The following SUCLG1 variants were observed in gnomAD, a reference collection of about 807,000 sequenced individuals.
The protein encoded by SUCLG1 is succinate--CoA ligase [ADP/GDP-forming] subunit alpha, mitochondrial.
SUCLG1 carries 26 observed loss-of-function variants against 37.3 expected under a neutral mutation model. That is an observed-to-expected ratio of 0.70 (90% CI 0.51 to 0.97). The LOEUF is 0.97. Among genes scored for constraint, SUCLG1 ranks in the 50% least tolerant of loss-of-function variants. The pLI is 0.00. For missense variants in SUCLG1, 433 were observed against 432.9 expected (o/e 1.00, Z 0.00); for synonymous variants, 163 against 155.6 (o/e 1.05, Z -0.36).
chr2:84,433,073 G>C (rs1044037135), intron 6 of SUCLG1: 1 of 492,098 alleles, frequency 2.0e-6, no homozygotes, highest in Non-Finnish European at 3.7e-6. Context: ...CATTTCTTCA[G>C]AGCAATCAAA....
At chr2:84,425,040 G>T (rs1050737617) in intron 8 of SUCLG1, among the ~76,000 whole-genome samples, 2 of 152,090 alleles carry the variant, frequency 1.3e-5, no homozygotes, top group African/African-American at 4.8e-5. Context: ...TGGGGTCAGG[G>T]TGGCTATATC....
At chr2:84,458,350 A>G (rs945741632) in intron 1 of SUCLG1, 4 of 152,298 alleles carry the variant, frequency 2.6e-5, no homozygotes, top group Admixed American at 1.3e-4. Flanking sequence ...AACACTGAAA[A>G]ACAGATTAAG....
At chr2:84,435,823 T>C (rs556743745) in intron 5 of SUCLG1, among the ~76,000 whole-genome samples, 2 of 152,314 alleles carry the variant, frequency 1.3e-5, no homozygotes, top group South Asian at 2.1e-4. Flanking sequence ...CATCCTCTCT[T>C]TCCAGCAGCC....
intron 6 of SUCLG1, chr2:84,432,642 T>A (rs1672628962): frequency 6.6e-6 from 1 of 152,228 alleles, no homozygotes; most frequent in Non-Finnish European, 1.5e-5. Flanking sequence ...AATATTTAAT[T>A]TATGAATTTG....
chr2:84,459,194 G>A lies in SUCLG1; in HGVS notation c.76C>T (p.Leu26Phe), dbSNP rs1250212607. Residue 26 changes from leucine (L) to phenylalanine (F), a missense_variant, in exon 1 of 9, where the codon CTC becomes TTC. Transcript: ENST00000393868. ...TCACGGAGGAAGCTGCGCGACAGGAGACGGGCGGCGGCGAGGCCGCTGCTG... is the reference window on the plus strand; with the variant it reads ...TCACGGAGGAAGCTGCGCGACAGGAAACGGGCGGCGGCGAGGCCGCTGCTG... ...SGSSGLAAAR[L>F]LSRSFLLPQN... is the part of the protein sequence containing the mutation. The A allele has an allele frequency of 1.3e-6, 2 of 1,549,904 alleles. No individual in the cohort carries two copies. Among genetic ancestry groups the A allele is most frequent in the African/African-American group, 1.4e-5 (1 of 73,050 alleles).
intron 5 of SUCLG1, among the ~76,000 whole-genome samples, chr2:84,440,444 G>GTGAAAATAT (rs1490941375): frequency 6.6e-6 from 1 of 152,196 alleles, no homozygotes; most frequent in Non-Finnish European, 1.5e-5. Context: ...TACATTAATG[G>GTGAAAATAT]TGAAAATATA....
chr2:84,434,735 CATAACT>C (rs149232186), intron 5 of SUCLG1, among the ~76,000 whole-genome samples: 8,051 of 152,162 alleles, frequency 0.053, 455 homozygotes, highest in African/African-American at 0.14. Flanking sequence ...AGACAAAAAC[CATAACT>C]ATAAGTTACC....
chr2:84,455,246 T>TA (rs1053266908), intron 1 of SUCLG1, among the ~76,000 whole-genome samples: 7 of 152,004 alleles, frequency 4.6e-5, no homozygotes, highest in Non-Finnish European at 7.4e-5. Flanking sequence ...TAATTACTGG[T>TA]AAAAAAGAAA....
chr2:84,439,765 GC>G (rs1672739676), intron 5 of SUCLG1, among the ~76,000 whole-genome samples: 1 of 152,170 alleles, frequency 6.6e-6, no homozygotes, highest in Non-Finnish European at 1.5e-5. Flanking sequence ...TTGGTGTAAA[GC>G]CTAAACACAA....
At chr2:84,435,792 C>T (rs1249445991) in intron 5 of SUCLG1, among the ~76,000 whole-genome samples, 1 of 152,230 alleles carries the variant, frequency 6.6e-6, no homozygotes, top group Non-Finnish European at 1.5e-5. Context: ...GAGGGTCCCC[C>T]AGCATTAGCT....
At chr2:84,433,458 A>G (rs1276934830) in intron 5 of SUCLG1, 23 bp from the exon 6 acceptor site, 4 of 1,602,394 alleles carry the variant, frequency 2.5e-6, no homozygotes, top group Non-Finnish European at 3.4e-6. Flanking sequence ...GAATTCAAAA[A>G]TATTAGATTG....
In SUCLG1 at chr2:84,443,408, G is replaced by C; in HGVS notation, c.202-8C>G. The C allele has an allele frequency of 6.2e-7, 1 of 1,613,354 alleles. No individual in the cohort carries two copies. The highest frequency in any genetic ancestry group is 8.5e-7 in the Non-Finnish European group (1 of 1,179,370). On this transcript the variant is annotated splice_polypyrimidine_tract_variant and splice_region_variant and intron_variant, in intron 2 of 8. Coordinates refer to ENST00000393868, the MANE Select transcript of SUCLG1 (RefSeq NM_003849.4). The stretch of plus-strand genomic sequence containing the variant: ...CTGGCTGTGAAAGGTGCCCTGAGGG[G>C]AAAAAGCACAAGATCCATGAGAAAC...
At position 84,431,561 on chromosome 2, in the gene SUCLG1, T is replaced by C; in HGVS notation, c.772A>G (p.Ile258Val). 6.2e-7 allele frequency: 1 copy of C among 1,614,044 alleles called. No individual in the cohort carries two copies. Among genetic ancestry groups the C allele is most frequent in the Non-Finnish European group, 8.5e-7 (1 of 1,179,950 alleles). Residue 258 changes from isoleucine (I) to valine (V), a missense_variant, in exon 7 of 9, where the codon ATT becomes GTT. Ile to Val is a conservative substitution (Grantham distance 29). Transcript: ENST00000393868. Reference protein sequence around the residue: ...ATEGIILIGEIGGNAEENAAE... With the variant: ...ATEGIILIGEVGGNAEENAAE... ...GCATTCTCTTCTGCATTACCACCAATTTCACCAATCAATATGATGCCTTCT... is the reference window on the plus strand; with the variant it reads ...GCATTCTCTTCTGCATTACCACCAACTTCACCAATCAATATGATGCCTTCT...
chr2:84,450,428 A>C (rs1338848475), intron 1 of SUCLG1, among the ~76,000 whole-genome samples: 2 of 151,938 alleles, frequency 1.3e-5, no homozygotes, highest in South Asian at 2.1e-4. Context: ...AAAAAAAAAA[A>C]AACCCTAGGT....
chr2:84,424,864 AAAACCAAAAAC>A (rs1374185336), intron 8 of SUCLG1, among the ~76,000 whole-genome samples: 1 of 152,178 alleles, frequency 6.6e-6, no homozygotes, highest in East Asian at 1.9e-4. Context: ...AAACAAACAA[AAAACCAAAAAC>A]AAACCAAAAA....
chr2:84,435,683 G>C (rs1052253777), intron 5 of SUCLG1, among the ~76,000 whole-genome samples: 1 of 152,184 alleles, frequency 6.6e-6, no homozygotes, highest in Non-Finnish European at 1.5e-5. Flanking sequence ...CAACTACAGA[G>C]CATGTAGCAT....
At chr2:84,457,244 C>T (rs1037325832) in intron 1 of SUCLG1, among the ~76,000 whole-genome samples, 5 of 152,124 alleles carry the variant, frequency 3.3e-5, no homozygotes, top group African/African-American at 1.2e-4. Context: ...AAAATGGGCT[C>T]GGAAATGTGG....
intron 7 of SUCLG1, among the ~76,000 whole-genome samples, chr2:84,429,856 A>T (rs1248865615): frequency 6.6e-6 from 1 of 152,152 alleles, no homozygotes; most frequent in East Asian, 1.9e-4. Context: ...TGGTTGGAGA[A>T]AATAAGAGAG....
intron 7 of SUCLG1, chr2:84,426,497 T>G (rs929521576): frequency 6.6e-6 from 1 of 151,642 alleles, no homozygotes; most frequent in Non-Finnish European, 1.5e-5. Context: ...TGAAACCCCA[T>G]CTCTACTAAA....
Sources: allele counts gnomAD v4.1 joint callset (sites outside exome capture counted in the v4.1 genomes callset), GRCh38; gene constraint gnomAD v4.1.1; transcripts MANE v1.5; gene names NCBI Gene and HGNC (gene_info 2026-07-23, HGNC 2026-07-21).